The following SLC7A11 variants were observed in gnomAD, a reference collection of about 807,000 sequenced individuals.
The protein encoded by SLC7A11 is cystine/glutamate transporter.
SLC7A11 carries 35 observed loss-of-function variants against 54.5 expected under a neutral mutation model. The observed-to-expected ratio is 0.64, with a 90% CI of 0.49 to 0.85. The LOEUF (loss-of-function observed/expected upper bound fraction) is 0.85, where lower values mean the gene tolerates loss of function less well. SLC7A11 is among the 40% of genes least tolerant of loss of function. The probability of loss-of-function intolerance (pLI) is 0.00; values close to 1 mark genes in which losing one functional copy is unlikely to be tolerated. For synonymous variants in SLC7A11, 230 were observed against 225.2 expected (o/e 1.02, Z -0.19); for missense variants, 583 against 618.1 (o/e 0.94, Z 0.60).
chr4:138,201,040 G>A (rs1476224304), intron 6 of SLC7A11, among the ~76,000 whole-genome samples: 1 of 152,062 alleles, frequency 6.6e-6, no homozygotes, highest in Non-Finnish European at 1.5e-5. Context: ...CGGAAGAGGT[G>A]GGACTTGGGA....
intron 3 of SLC7A11, among the ~76,000 whole-genome samples, chr4:138,225,173 A>ATAT (rs1266953642): frequency 3.0e-4 from 33 of 111,074 alleles, no homozygotes; most frequent in Admixed American, 5.7e-4. Flanking sequence ...TATATATATA[A>ATAT]ATAAAATCAT....
rs1367952808 is a variant in SLC7A11, at chr4:138,236,986, T to TC, written c.278-536_278-535insG. On this transcript the variant is annotated intron_variant, in intron 1 of 11. Coordinates refer to ENST00000280612, the MANE Select transcript of SLC7A11 (RefSeq NM_014331.4). ...GACTCTCTGACTTGCAAGATTTCTTTTTTTTTTTTTTTTTTTTGAGACGGA... is the reference window on the plus strand; with the variant it reads ...GACTCTCTGACTTGCAAGATTTCTTTCTTTTTTTTTTTTTTTTTGAGACGGA... Among the ~76,000 whole-genome samples, 26 of 142,412 alleles carry TC rather than the reference T, an allele frequency of 1.8e-4. 1 individual carries two copies. The highest frequency in any genetic ancestry group is 4.7e-4 in the African/African-American group (18 of 38,706). 93.4% of individuals were successfully genotyped at this position (142,412 alleles called of 152,430 possible).
chr4:138,186,353 G>A (rs1462377962), intron 6 of SLC7A11, among the ~76,000 whole-genome samples: 3 of 152,090 alleles, frequency 2.0e-5, no homozygotes, highest in African/African-American at 7.2e-5. Context: ...AGAATCAGGG[G>A]GGAAAAGGCA....
chr4:138,217,992 A>C (rs947781409), intron 5 of SLC7A11, among the ~76,000 whole-genome samples: 3 of 152,372 alleles, frequency 2.0e-5, no homozygotes, highest in East Asian at 3.9e-4. Context: ...CTGGGAATAT[A>C]CAAATATTTT....
intron 6 of SLC7A11, among the ~76,000 whole-genome samples, chr4:138,197,936 TGTAA>T (rs914586590): frequency 2.7e-5 from 4 of 150,474 alleles, no homozygotes; most frequent in South Asian, 4.2e-4. Context: ...TGTAATATAT[TGTAA>T]GTATCATAAA....
At chr4:138,191,628 C>G (rs1737015234) in intron 6 of SLC7A11, among the ~76,000 whole-genome samples, 1 of 152,024 alleles carries the variant, frequency 6.6e-6, no homozygotes, top group Non-Finnish European at 1.5e-5. Context: ...GAATAATAAG[C>G]AATCAGAAAC....
At chr4:138,232,441 A>T (rs1738102725) in intron 2 of SLC7A11, 59 bp from the exon 3 acceptor site, 4 of 909,572 alleles carry the variant, frequency 4.4e-6, no homozygotes, top group South Asian at 4.4e-5. Flanking sequence ...ATTTTCATTA[A>T]TTTTTTCTAC....
At chr4:138,225,166 AT>A (rs1737917030) in intron 3 of SLC7A11, among the ~76,000 whole-genome samples, 9 of 145,884 alleles carry the variant, frequency 6.2e-5, no homozygotes, top group East Asian at 4.0e-4. Flanking sequence ...ATATATATAT[AT>A]ATATAAATAA....
At chr4:138,176,961 A>T (rs928601330) in intron 11 of SLC7A11, 2 of 152,192 alleles carry the variant, frequency 1.3e-5, no homozygotes, top group African/African-American at 4.8e-5. Flanking sequence ...GAGAAGAAAT[A>T]GAGATTAAAT....
At chr4:138,219,664 AG>A (rs972311985) in intron 4 of SLC7A11, among the ~76,000 whole-genome samples, 4 of 152,202 alleles carry the variant, frequency 2.6e-5, no homozygotes, top group Non-Finnish European at 4.4e-5. Flanking sequence ...AGAAGACTAA[AG>A]GGTTTTCTGT....
At chr4:138,195,647 C>G (rs1737114311) in intron 6 of SLC7A11, among the ~76,000 whole-genome samples, 1 of 152,196 alleles carries the variant, frequency 6.6e-6, no homozygotes, top group African/African-American at 2.4e-5. Flanking sequence ...GTCTCCCACC[C>G]TGGGTCTCTC....
chr4:138,225,893 A>C (rs1737937058), intron 3 of SLC7A11, among the ~76,000 whole-genome samples: 1 of 152,066 alleles, frequency 6.6e-6, no homozygotes, highest in African/African-American at 2.4e-5. Flanking sequence ...GAAGGATAAA[A>C]ACGAAAAGAG....
At chr4:138,173,979 C>T (rs1013058960) in intron 11 of SLC7A11, among the ~76,000 whole-genome samples, 2 of 152,008 alleles carry the variant, frequency 1.3e-5, no homozygotes, top group Non-Finnish European at 2.9e-5. Context: ...GCTAGGGATA[C>T]GTGACAGTAG....
At chr4:138,175,624 A>G (rs1486788496) in intron 11 of SLC7A11, 2 of 152,136 alleles carry the variant, frequency 1.3e-5, no homozygotes. Flanking sequence ...CGTGTATCTC[A>G]CCATTCCCTT....
chr4:138,185,929 A>T (rs2148415797), intron 6 of SLC7A11, among the ~76,000 whole-genome samples: 1 of 152,260 alleles, frequency 6.6e-6, no homozygotes, highest in Middle Eastern at 3.4e-3. Context: ...CCCTGCTGTG[A>T]GTTCAAAGGA....
At chr4:138,205,917 T>C (rs1239123124) in intron 6 of SLC7A11, among the ~76,000 whole-genome samples, 2 of 152,052 alleles carry the variant, frequency 1.3e-5, no homozygotes, top group Non-Finnish European at 2.9e-5. Context: ...TTGTTATCTA[T>C]TGCAGTCAAA....
intron 2 of SLC7A11, among the ~76,000 whole-genome samples, chr4:138,234,485 T>C (rs1247774699): frequency 6.6e-6 from 1 of 152,164 alleles, no homozygotes; most frequent in Non-Finnish European, 1.5e-5. Flanking sequence ...CAAAGAGATA[T>C]ATGAACATAT....
intron 2 of SLC7A11, 91 bp from the exon 3 acceptor site, chr4:138,232,473 G>T: frequency 1.5e-6 from 1 of 689,174 alleles, no homozygotes; most frequent in Non-Finnish European, 2.5e-6. Context: ...TTAGCATATG[G>T]AACATGTTAA....
chr4:138,209,630 C>T (rs72712351), intron 6 of SLC7A11, among the ~76,000 whole-genome samples: 1 of 152,030 alleles, frequency 6.6e-6, no homozygotes, highest in Non-Finnish European at 1.5e-5. Flanking sequence ...AATGCAATCC[C>T]ATTTACAACA....
Sources: allele counts gnomAD v4.1 joint callset (sites outside exome capture counted in the v4.1 genomes callset), GRCh38; gene constraint gnomAD v4.1.1; transcripts MANE v1.5; gene names NCBI Gene and HGNC (gene_info 2026-07-23, HGNC 2026-07-21).